The following UGGT2 variants were observed in gnomAD, a reference collection of about 807,000 sequenced individuals.
UGGT2 encodes UDP-glucose:glycoprotein glucosyltransferase 2.
A neutral mutation model predicts 192.1 loss-of-function variants in UGGT2; 180 were observed. The ratio of observed to expected loss-of-function variants is 0.94; its 90% CI spans 0.83 to 1.06. The LOEUF is 1.06. Ranked by LOEUF, UGGT2 falls within the 50% of genes least tolerant of loss-of-function variation. UGGT2 has a pLI of 0.00. For synonymous variants in UGGT2, 580 were observed against 591.0 expected (o/e 0.98, Z 0.27); for missense variants, 1,849 against 1,795.7 (o/e 1.03, Z -0.54).
At chr13:95,814,953 T>C (rs1298387130) in intron 38 of UGGT2, among the ~76,000 whole-genome samples, 1 of 152,180 alleles carries the variant, frequency 6.6e-6, no homozygotes, top group Non-Finnish European at 1.5e-5. Flanking sequence ...ATAATTTATA[T>C]ATTAACTACA....
At chr13:96,002,198 T>C (rs2051828793) in intron 5 of UGGT2, among the ~76,000 whole-genome samples, 2 of 152,238 alleles carry the variant, frequency 1.3e-5, no homozygotes. Context: ...CTCTGCCTTA[T>C]CTGACAGAGA....
intron 7 of UGGT2, chr13:95,990,488 C>T (rs1318490533): frequency 6.6e-6 from 1 of 152,278 alleles, no homozygotes; most frequent in East Asian, 1.9e-4. Flanking sequence ...TGAAAAGTTC[C>T]ATCTTTGATT....
At chr13:96,032,522 C>T (rs1392902092) in intron 1 of UGGT2, among the ~76,000 whole-genome samples, 1 of 151,916 alleles carries the variant, frequency 6.6e-6, no homozygotes, top group Admixed American at 6.6e-5. Context: ...CCATAAAGCC[C>T]AATGAAATTT....
chr13:95,894,718 C>T (rs1013841607), intron 23 of UGGT2, 61 bp from the exon 24 acceptor site: 2 of 1,361,882 alleles, frequency 1.5e-6, no homozygotes. Flanking sequence ...TTTCATGTTA[C>T]AATTAATGCT....
At chr13:95,965,328 C>T (rs2050537193) in intron 12 of UGGT2, among the ~76,000 whole-genome samples, 2 of 150,620 alleles carry the variant, frequency 1.3e-5, no homozygotes, top group African/African-American at 2.4e-5. Flanking sequence ...ATAGCAAAGA[C>T]TTGGAACCAA....
intron 5 of UGGT2, among the ~76,000 whole-genome samples, chr13:96,007,430 T>C (rs2052016717): frequency 6.6e-6 from 1 of 152,080 alleles, no homozygotes; most frequent in South Asian, 2.1e-4. Context: ...TTATTCAACA[T>C]AATACTAGAA....
intron 21 of UGGT2, among the ~76,000 whole-genome samples, chr13:95,902,445 C>G (rs1000575856): frequency 6.6e-6 from 1 of 152,096 alleles, no homozygotes; most frequent in Non-Finnish European, 1.5e-5. Flanking sequence ...ACAAGTTTAT[C>G]TCCATTGTCT....
At chr13:95,920,172 C>A (rs1467122059) in intron 20 of UGGT2, among the ~76,000 whole-genome samples, 1 of 152,032 alleles carries the variant, frequency 6.6e-6, no homozygotes, top group Non-Finnish European at 1.5e-5. Context: ...AAACTGGACC[C>A]CTTCCTTATA....
chr13:95,908,567 T>C (rs2048367865), intron 20 of UGGT2, among the ~76,000 whole-genome samples: 1 of 152,028 alleles, frequency 6.6e-6, no homozygotes, highest in Admixed American at 6.6e-5. Context: ...CCACCAACAG[T>C]GTAAAAGTGT....
At chr13:95,889,062 G>A (rs939698379) in intron 25 of UGGT2, among the ~76,000 whole-genome samples, 3 of 151,896 alleles carry the variant, frequency 2.0e-5, no homozygotes, top group African/African-American at 7.3e-5. Context: ...TGATCTTCCT[G>A]CTTTGGCTAA....
intron 1 of UGGT2, among the ~76,000 whole-genome samples, chr13:96,041,363 G>A (rs2053159768): frequency 6.6e-6 from 1 of 152,136 alleles, no homozygotes; most frequent in South Asian, 2.1e-4. Flanking sequence ...GGGTCCCCTA[G>A]GAAGCTATTT....
At chr13:95,999,078 A>C (rs2051714696) in intron 6 of UGGT2, 133 bp downstream of exon 6, 1 of 531,696 alleles carries the variant, frequency 1.9e-6, no homozygotes, top group Non-Finnish European at 3.3e-6. Context: ...AATTTTAATG[A>C]AGAATATGTC....
chr13:95,832,937 C>T lies in UGGT2; in HGVS notation c.4518G>A (p.Lys1506=). The T allele has an allele frequency of 1.9e-6, 3 of 1,612,288 alleles. No homozygotes were observed. The highest frequency in any genetic ancestry group is 2.5e-6 in the Non-Finnish European group (3 of 1,178,848). ...RQLLDHLENK[K]QDTILTHDEL ...ACGTTGATGACTTACTTGTATCTTG[C>T]TTCTTGTTTTCAAGATGATCTAATA... Residue 1506 remains lysine, a synonymous_variant, in exon 38 of 39, where the codon AAG becomes AAA. Coordinates refer to ENST00000376747, the MANE Select transcript of UGGT2 (RefSeq NM_020121.4).
intron 12 of UGGT2, among the ~76,000 whole-genome samples, chr13:95,961,234 G>A (rs1244060377): frequency 6.6e-6 from 1 of 152,024 alleles, no homozygotes; most frequent in Non-Finnish European, 1.5e-5. Flanking sequence ...TAAAATGACA[G>A]AAATAAGTCC....
chr13:95,847,716 C>G (rs1357944618), intron 36 of UGGT2, among the ~76,000 whole-genome samples: 1 of 152,178 alleles, frequency 6.6e-6, no homozygotes, highest in Non-Finnish European at 1.5e-5. Context: ...TAAAAGACAT[C>G]TTGGTTGGCT....
intron 1 of UGGT2, among the ~76,000 whole-genome samples, chr13:96,046,321 T>C (rs554895768): frequency 8.5e-5 from 13 of 152,302 alleles, no homozygotes; most frequent in Non-Finnish European, 1.0e-4. Context: ...TCTCGCGTTA[T>C]ACAAAAATCA....
intron 17 of UGGT2, among the ~76,000 whole-genome samples, chr13:95,933,312 A>T (rs2049350176): frequency 6.6e-6 from 1 of 152,148 alleles, no homozygotes; most frequent in Non-Finnish European, 1.5e-5. Flanking sequence ...CAATCTTGGG[A>T]GACCAGGAAT....
At chr13:95,830,784 A>C (rs548362179) in intron 38 of UGGT2, among the ~76,000 whole-genome samples, 1 of 152,340 alleles carries the variant, frequency 6.6e-6, no homozygotes, top group East Asian at 1.9e-4. Context: ...CTGGGTATAT[A>C]CCCAAAGGAT....
At chr13:95,918,008 G>A (rs1478575563) in intron 20 of UGGT2, among the ~76,000 whole-genome samples, 1 of 151,982 alleles carries the variant, frequency 6.6e-6, no homozygotes, top group Admixed American at 6.6e-5. Flanking sequence ...AAATATTCAC[G>A]ACCTGAACTC....
Sources: gnomAD v4.1 joint callset for allele counts (sites outside exome capture counted in the v4.1 genomes callset) on GRCh38, gnomAD v4.1.1 for gene constraint, MANE v1.5 for transcripts, NCBI Gene and HGNC (gene_info 2026-07-23, HGNC 2026-07-21) for gene names.